The following ACACA variants were observed in gnomAD, a reference collection of about 807,000 sequenced individuals.
ACACA encodes acetyl-CoA carboxylase 1.
ACACA carries 103 observed loss-of-function variants against 296.1 expected under a neutral mutation model. The observed-to-expected ratio is 0.35, with a 90% confidence interval of 0.30 to 0.41. The LOEUF is 0.41. ACACA is among the 10% of genes least tolerant of loss of function. ACACA has a pLI of 1.00. For synonymous variants in ACACA, 953 were observed against 1,038.6 expected (o/e 0.92, Z 1.58); for missense variants, 1,554 against 2,989.7 (o/e 0.52, Z 11.20).
rs1430561684 is a variant in ACACA at position 37,174,088 on chromosome 17, T to C, written c.5079+5172A>G. On this transcript the variant is annotated intron_variant, in intron 41 of 55. Transcript: ENST00000616317. Reference sequence around the variant, plus strand: ...GTTGGCCAGGCTGGTCTCAAACTCCTGGCGTCAAGTGATCCGCCGACCTTG... The same window carrying C: ...GTTGGCCAGGCTGGTCTCAAACTCCCGGCGTCAAGTGATCCGCCGACCTTG... Among the ~76,000 whole-genome samples, 206 of 134,674 alleles carry C rather than the reference T, an allele frequency of 1.5e-3. 3 individuals are homozygous for C. Among genetic ancestry groups the C allele is most frequent in the African/African-American group, 5.6e-3 (197 of 35,104 alleles). 88.4% of individuals were successfully genotyped at this position (134,674 alleles called of 152,430 possible). A position where few individuals can be genotyped will look rare whatever the true frequency, so the allele number is the denominator to read the frequency against.
At chr17:37,235,837 C>T (rs927870988) in intron 24 of ACACA, among the ~76,000 whole-genome samples, 1 of 152,086 alleles carries the variant, frequency 6.6e-6, no homozygotes, top group Non-Finnish European at 1.5e-5. Context: ...TTTTCACTTG[C>T]CTTCCCTAAG....
At chr17:37,218,781 T>C (rs1240693226) in intron 29 of ACACA, among the ~76,000 whole-genome samples, 2 of 152,196 alleles carry the variant, frequency 1.3e-5, no homozygotes, top group Admixed American at 6.5e-5. Context: ...GCTTTTCGCC[T>C]GCTTGATCAA....
intron 1 of ACACA, among the ~76,000 whole-genome samples, chr17:37,345,696 C>A (rs2048584924): frequency 6.6e-6 from 1 of 152,158 alleles, no homozygotes; most frequent in African/African-American, 2.4e-5. Flanking sequence ...TCCCAAAAAA[C>A]CCATAACCCT....
chr17:37,264,639 T>C (rs1365710665), intron 10 of ACACA, among the ~76,000 whole-genome samples: 4 of 152,304 alleles, frequency 2.6e-5, no homozygotes, highest in Non-Finnish European at 4.4e-5. Flanking sequence ...TTCAAAGAAA[T>C]TCTTAGCTTT....
intron 1 of ACACA, among the ~76,000 whole-genome samples, chr17:37,400,736 G>A (rs1420498571): frequency 7.3e-6 from 1 of 137,848 alleles, no homozygotes; most frequent in Non-Finnish European, 1.6e-5. Context: ...CATTGTGTGT[G>A]TGTCTGTGTG....
chr17:37,328,410 T>C (rs1462856149), intron 3 of ACACA, among the ~76,000 whole-genome samples: 1 of 152,186 alleles, frequency 6.6e-6, no homozygotes, highest in African/African-American at 2.4e-5. Context: ...TCTATTTAAA[T>C]AATGTTTTAA....
At position 37,268,729 on chromosome 17, in the gene ACACA, CTATCTATCTATCTATATA is replaced by C. The variant is rs1267951256; in HGVS notation, c.1119+2004_1119+2021del. Among the ~76,000 whole-genome samples, 771 of 111,044 alleles carry C rather than the reference CTATCTATCTATCTATATA, an allele frequency of 6.9e-3. 13 individuals carry two copies. Among genetic ancestry groups the C allele is most frequent in the East Asian group, 6.4e-3 (18 of 2,812 alleles). The allele number at this position is 111,044 out of a possible 152,430, so 72.8% of individuals were successfully genotyped here. On this transcript the variant is annotated intron_variant, in intron 10 of 55. Transcript: ENST00000616317. The stretch of plus-strand genomic sequence containing the variant: ...TCTATATCTATATCTATCTATCTAT[CTATCTATCTATCTATATA>C]TATATATATATATATATATATCTGG...
chr17:37,114,440 G>C (rs1567676739), intron 50 of ACACA, among the ~76,000 whole-genome samples: 1 of 151,640 alleles, frequency 6.6e-6, no homozygotes, highest in Non-Finnish European at 1.5e-5. Flanking sequence ...GGGTGAGGTG[G>C]GAGGATCTGA....
chr17:37,252,983 G>A lies in ACACA; in HGVS notation c.1880C>T (p.Thr627Ile). The part of the protein sequence containing the change: ...ELSIRGDFRT[T>I]VEYLIKLLET... ...TAACAATTTGATCAGGTATTCAACT[G>A]TAGTTCGAAAGTCACCCCGAATAGA... Residue 627 changes from threonine (T) to isoleucine (I), a missense_variant, in exon 15 of 56, where the codon ACA (threonine) becomes ATA (isoleucine). Transcript: ENST00000616317. 6.2e-7 allele frequency: 1 copy of A among 1,614,212 alleles called. No homozygotes were observed. The highest frequency in any genetic ancestry group is 8.5e-7 in the Non-Finnish European group (1 of 1,180,028).
chr17:37,360,657 C>T (rs2049368857), intron 1 of ACACA, among the ~76,000 whole-genome samples: 1 of 151,670 alleles, frequency 6.6e-6, no homozygotes, highest in Non-Finnish European at 1.5e-5. Context: ...GCACTGGCAA[C>T]GTAAAAAGAC....
chr17:37,277,153 T>C (rs2082316378), intron 6 of ACACA, 39 bp from the exon 7 acceptor site: 4 of 1,572,112 alleles, frequency 2.5e-6, no homozygotes, highest in East Asian at 4.5e-5. Context: ...TTAAAATTCA[T>C]ACAAAACCCC....
At chr17:37,116,198 G>A (rs992747165) in intron 50 of ACACA, among the ~76,000 whole-genome samples, 5 of 152,114 alleles carry the variant, frequency 3.3e-5, no homozygotes, top group African/African-American at 1.2e-4. Flanking sequence ...TCACCACGTT[G>A]CCCAGACTGG....
chr17:37,211,687 G>A (rs1391328267), intron 29 of ACACA, among the ~76,000 whole-genome samples: 1 of 152,198 alleles, frequency 6.6e-6, no homozygotes, highest in Non-Finnish European at 1.5e-5. Context: ...TTCCATGGCA[G>A]TAGAAGGAGC....
intron 45 of ACACA, among the ~76,000 whole-genome samples, chr17:37,133,743 C>T (rs2075210455): frequency 6.6e-6 from 1 of 152,182 alleles, no homozygotes; most frequent in Non-Finnish European, 1.5e-5. Context: ...CTGTATGATA[C>T]AAACTTTTAA....
chr17:37,339,806 CTT>C lies in ACACA; in HGVS notation c.81_82del (p.Ile27MetfsTer13). On this transcript the variant is annotated frameshift_variant, in exon 2 of 56. Coordinates refer to ENST00000616317, the MANE Select transcript of ACACA (RefSeq NM_198834.3). LOFTEE classifies it high-confidence loss of function. The stretch of plus-strand genomic sequence containing the variant: ...AAGGAGTATTATTTGTAACTGACCT[CTT>C]ATAATTCTTACTGTCTGAGTAGATA... The C allele has an allele frequency of 1.5e-6, 2 of 1,372,276 alleles. No homozygotes were observed. Among genetic ancestry groups the C allele is most frequent in the Middle Eastern group, 1.8e-4 (1 of 5,548 alleles). 85.0% of individuals were successfully genotyped at this position (1,372,276 alleles called of 1,614,324 possible).
intron 1 of ACACA, among the ~76,000 whole-genome samples, chr17:37,362,311 G>A (rs1240277008): frequency 1.3e-5 from 2 of 152,138 alleles, no homozygotes; most frequent in Non-Finnish European, 1.5e-5. Flanking sequence ...TGATGTAAAG[G>A]TATTAGGGAC....
chr17:37,127,799 G>A (rs181630668), intron 47 of ACACA, among the ~76,000 whole-genome samples: 305 of 138,118 alleles, frequency 2.2e-3, no homozygotes, highest in Non-Finnish European at 3.4e-3. Context: ...AGCCGAGATC[G>A]CGCCACTGCA....
intron 45 of ACACA, among the ~76,000 whole-genome samples, chr17:37,148,565 A>T (rs1446669169): frequency 6.6e-6 from 1 of 152,228 alleles, no homozygotes; most frequent in Admixed American, 6.5e-5. Flanking sequence ...TTACCCTTAA[A>T]CTTGAAAGTC....
chr17:37,148,349 G>A (rs905199783), intron 45 of ACACA, among the ~76,000 whole-genome samples: 2 of 152,058 alleles, frequency 1.3e-5, no homozygotes, highest in Non-Finnish European at 2.9e-5. Flanking sequence ...AAGGGAGGAA[G>A]ACAGCCAAGT....
Sources: allele counts gnomAD v4.1 joint callset (sites outside exome capture counted in the v4.1 genomes callset), GRCh38; gene constraint gnomAD v4.1.1; transcripts MANE v1.5; gene names NCBI Gene and HGNC (gene_info 2026-07-23, HGNC 2026-07-21).